The following SPAST variants were observed in gnomAD, a reference collection of about 807,000 sequenced individuals.
SPAST encodes spastin.
Under a neutral mutation model 76.6 loss-of-function variants are expected in SPAST, and 30 were observed. That is an observed-to-expected ratio of 0.39 (90% CI 0.29 to 0.53). The LOEUF is 0.53. SPAST is among the 20% of genes least tolerant of loss of function. SPAST has a pLI of 0.68. For missense variants in SPAST, 717 were observed against 770.5 expected, an observed-to-expected ratio of 0.93 and a Z score of 0.82; for synonymous variants, 305 against 281.0, an observed-to-expected ratio of 1.09 and a Z score of -0.86.
intron 1 of SPAST, among the ~76,000 whole-genome samples, chr2:32,080,669 A>G (rs1271836519): frequency 6.6e-6 from 1 of 151,952 alleles, no homozygotes; most frequent in Non-Finnish European, 1.5e-5. Context: ...TCTGCTATAA[A>G]TGTATCTAAA....
At chr2:32,142,990 G>A (rs554899398) in intron 13 of SPAST, among the ~76,000 whole-genome samples, 1 of 152,052 alleles carries the variant, frequency 6.6e-6, no homozygotes, top group Non-Finnish European at 1.5e-5. Context: ...TTTTATCCAG[G>A]TGTGGTGTCT....
In SPAST at chr2:32,136,552, C is replaced by A; in HGVS notation, c.1246-11C>A. On this transcript the variant is annotated splice_polypyrimidine_tract_variant and intron_variant, in intron 9 of 16. Coordinates refer to ENST00000315285, the MANE Select transcript of SPAST (RefSeq NM_014946.4). ...ATTTTATGTGTATAACAGTATAATG[C>A]TTTGTTTTAGGTGGGAGAAGGAGAG... 2 of 1,603,288 alleles carry A rather than the reference C, an allele frequency of 1.2e-6. No homozygotes were observed. Among genetic ancestry groups the A allele is most frequent in the South Asian group, 2.2e-5 (2 of 90,884 alleles).
intron 1 of SPAST, among the ~76,000 whole-genome samples, chr2:32,073,456 A>G (rs1458860621): frequency 6.6e-6 from 1 of 151,704 alleles, no homozygotes; most frequent in African/African-American, 2.4e-5. Context: ...TAGATTGTCT[A>G]CTCTTCTATA....
intron 4 of SPAST, among the ~76,000 whole-genome samples, chr2:32,102,898 T>C (rs925130918): frequency 4.6e-5 from 7 of 152,192 alleles, no homozygotes; most frequent in Admixed American, 1.3e-4. Context: ...ATTTTTGCGT[T>C]GATGTTCATC....
chr2:32,140,952 T>G lies in SPAST; in HGVS notation c.1494-952T>G, dbSNP rs56035421. 4.6e-4 allele frequency among the ~76,000 whole-genome samples: 50 copies of G among 108,332 alleles called. No homozygotes were observed. In the East Asian group the frequency reaches 0.015, roughly 32 times the overall value. 71.1% of individuals were successfully genotyped at this position (108,332 alleles called of 152,430 possible). A position where few individuals can be genotyped will look rare whatever the true frequency, so the allele number is the denominator to read the frequency against. On this transcript the variant is annotated intron_variant, in intron 12 of 16. Transcript: ENST00000315285. ...AGGTTTTGTTGTTGTTGTTTTTTTT[T>G]TTTTTTTTTTAAATGAGCCCTGTCC...
chr2:32,137,240 CAT>C (rs1243881646), intron 12 of SPAST, 52 bp downstream of exon 12: 5 of 1,272,192 alleles, frequency 3.9e-6, no homozygotes, highest in East Asian at 2.3e-5. Flanking sequence ...AATATTTACT[CAT>C]GTGTCCATCT....
chr2:32,119,423 A>G (rs899776349), intron 7 of SPAST, among the ~76,000 whole-genome samples: 4 of 152,188 alleles, frequency 2.6e-5, no homozygotes, highest in African/African-American at 9.7e-5. Flanking sequence ...ATTCTTGAGT[A>G]TACTGGAATT....
chr2:32,154,888 G>GT lies in SPAST; in HGVS notation c.*398dup, dbSNP rs1383349551. On this transcript the variant is annotated 3_prime_UTR_variant, in exon 17 of 17. Coordinates refer to ENST00000315285, the MANE Select transcript of SPAST (RefSeq NM_014946.4). The stretch of plus-strand genomic sequence containing the variant: ...AACATTTGTTTGTTTGTCTTCTGAT[G>GT]TTTTTTCTTAAAATAGTAATTTCTC... 1 of 171,890 alleles carries GT rather than the reference G, an allele frequency of 5.8e-6. No homozygotes were observed. The highest frequency in any genetic ancestry group is 1.3e-5 in the Non-Finnish European group (1 of 79,956). The allele number at this position is 171,890 out of a possible 1,614,324, so 10.6% of individuals were successfully genotyped here.
intron 9 of SPAST, among the ~76,000 whole-genome samples, chr2:32,131,567 G>T (rs1679369300): frequency 6.6e-6 from 1 of 151,772 alleles, no homozygotes; most frequent in South Asian, 2.1e-4. Flanking sequence ...GGGAATTACA[G>T]AATTCAGTGA....
intron 1 of SPAST, among the ~76,000 whole-genome samples, chr2:32,083,673 A>T (rs1213143947): frequency 1.3e-4 from 16 of 119,716 alleles, no homozygotes; most frequent in African/African-American, 5.0e-4. Context: ...ATATATATAT[A>T]TATTTTTATG....
chr2:32,142,413 T>TA (rs1288896112), intron 13 of SPAST, among the ~76,000 whole-genome samples: 1 of 152,122 alleles, frequency 6.6e-6, no homozygotes, highest in Non-Finnish European at 1.5e-5. Context: ...CAAATTTATT[T>TA]TTTATTTATT....
chr2:32,067,758 C>CT (rs11285790), intron 1 of SPAST, among the ~76,000 whole-genome samples: 18,033 of 140,590 alleles, frequency 0.13, 1,256 homozygotes, highest in Middle Eastern at 0.19. Context: ...AAGTGATCCT[C>CT]TTTTTTTTTT....
At chr2:32,124,780 G>C (rs1405135368) in intron 7 of SPAST, among the ~76,000 whole-genome samples, 1 of 152,192 alleles carries the variant, frequency 6.6e-6, no homozygotes, top group South Asian at 2.1e-4. Flanking sequence ...CTAAATGAAA[G>C]AAGCCAGTCT....
intron 4 of SPAST, among the ~76,000 whole-genome samples, chr2:32,101,556 G>T (rs1386059412): frequency 6.6e-6 from 1 of 151,386 alleles, no homozygotes; most frequent in Admixed American, 6.6e-5. Context: ...GCCCATGCCA[G>T]TGTCCTGAAT....
intron 4 of SPAST, among the ~76,000 whole-genome samples, chr2:32,108,546 G>C (rs182776329): frequency 6.6e-6 from 1 of 151,890 alleles, no homozygotes; most frequent in East Asian, 1.9e-4. Context: ...GATAGGGTCT[G>C]ACTCTTTCTC....
chr2:32,104,149 A>G (rs749141772), intron 4 of SPAST, among the ~76,000 whole-genome samples: 1 of 152,160 alleles, frequency 6.6e-6, no homozygotes, highest in Non-Finnish European at 1.5e-5. Context: ...TATTGGGTGC[A>G]TATATATTTA....
intron 4 of SPAST, among the ~76,000 whole-genome samples, chr2:32,111,914 C>G (rs1414076678): frequency 6.7e-6 from 1 of 148,964 alleles, no homozygotes; most frequent in African/African-American, 2.5e-5. Flanking sequence ...AGTCTCAGAA[C>G]TATATATTTT....
At position 32,154,850 on chromosome 2, in the gene SPAST, T is replaced by C; in HGVS notation, c.*354T>C. 1 of 215,404 alleles carries C rather than the reference T, an allele frequency of 4.6e-6. No homozygotes were observed. Among genetic ancestry groups the C allele is most frequent in the South Asian group, 7.1e-5 (1 of 14,038 alleles). The allele number at this position is 215,404 out of a possible 1,614,324, so 13.3% of individuals were successfully genotyped here. On this transcript the variant is annotated 3_prime_UTR_variant, in exon 17 of 17. Transcript: ENST00000315285. ...AAAGTATTCCAGGAACAGTGAATGG[T>C]AGAAGACACAAGAACATTTGTTTGT...
chr2:32,146,736 G>A (rs1053975756), intron 15 of SPAST, among the ~76,000 whole-genome samples: 2 of 150,770 alleles, frequency 1.3e-5, no homozygotes, highest in African/African-American at 2.4e-5. Flanking sequence ...GTGGTTGTGC[G>A]CACCTGTAAT....
Sources: gnomAD v4.1 joint callset for allele counts (sites outside exome capture counted in the v4.1 genomes callset) on GRCh38, gnomAD v4.1.1 for gene constraint, MANE v1.5 for transcripts, NCBI Gene and HGNC (gene_info 2026-07-23, HGNC 2026-07-21) for gene names.